AIG1: variants seen among roughly 807,000 people sequenced by gnomAD.
AIG1 encodes androgen-induced gene 1 protein.
AIG1 carries 23 observed loss-of-function variants against 31.4 expected under a neutral mutation model. The observed-to-expected ratio is 0.73, with a 90% confidence interval of 0.53 to 1.04. The LOEUF (loss-of-function observed/expected upper bound fraction) is 1.04, where lower values mean the gene tolerates loss of function less well. Ranked by LOEUF, AIG1 falls within the 50% of genes least tolerant of loss-of-function variation. AIG1 has a pLI of 0.00. For synonymous variants in AIG1, 100 were observed against 110.5 expected (o/e 0.90, Z 0.60); for missense variants, 274 against 295.0 (o/e 0.93, Z 0.52).
In AIG1 at chr6:143,297,622, T is replaced by C. The variant is rs1425322175; in HGVS notation, c.515+13397T>C. Among the ~76,000 whole-genome samples the C allele has an allele frequency of 1.3e-5, 2 of 152,114 alleles. No homozygotes were observed. The highest frequency in any genetic ancestry group is 2.9e-5 in the Non-Finnish European group (2 of 68,008). ...GGTGATTGGTTGATTGGTAGAGTGG[T>C]TGGCCCATTTCCTGTAACACTGCTC... On this transcript the variant is annotated intron_variant, in intron 4 of 5. Coordinates refer to ENST00000357847, the MANE Select transcript of AIG1 (RefSeq NM_016108.4). This position sits in a 1 kb window ranked among gnomAD's most constrained non-coding sequence, Gnocchi z 5.1.
intron 4 of AIG1, among the ~76,000 whole-genome samples, chr6:143,286,344 C>T (rs910493762): frequency 6.6e-6 from 1 of 152,060 alleles, no homozygotes; most frequent in Non-Finnish European, 1.5e-5. Flanking sequence ...GCCAGCTCTG[C>T]GTACTCCCTA....
At chr6:143,249,198 G>T (rs187563258) in intron 3 of AIG1, among the ~76,000 whole-genome samples, 17 of 152,326 alleles carry the variant, frequency 1.1e-4, no homozygotes, top group Admixed American at 7.8e-4. Flanking sequence ...CTACATCCAG[G>T]TATAGAGTTG....
intron 1 of AIG1, among the ~76,000 whole-genome samples, chr6:143,082,752 C>T (rs1013864374): frequency 2.0e-5 from 3 of 152,110 alleles, no homozygotes; most frequent in Admixed American, 6.6e-5. Context: ...AGGTATGCCA[C>T]GGGTTGCAAG....
chr6:143,191,005 A>T (rs1789743596), intron 3 of AIG1, among the ~76,000 whole-genome samples: 1 of 152,088 alleles, frequency 6.6e-6, no homozygotes, highest in African/African-American at 2.4e-5. Flanking sequence ...TCCCTTACAT[A>T]GCTCCCTTAC....
At chr6:143,094,796 C>G (rs1176993804) in intron 1 of AIG1, among the ~76,000 whole-genome samples, 1 of 149,840 alleles carries the variant, frequency 6.7e-6, no homozygotes, top group African/African-American at 2.4e-5. Context: ...TATTGTAGAA[C>G]AAAGGAAATA....
chr6:143,228,487 G>T (rs1793189672), intron 3 of AIG1, among the ~76,000 whole-genome samples: 4 of 152,192 alleles, frequency 2.6e-5, no homozygotes. Context: ...CCATGTGTGG[G>T]TGGAGCAAGT....
chr6:143,196,117 G>A (rs1157060938), intron 3 of AIG1, among the ~76,000 whole-genome samples: 1 of 152,092 alleles, frequency 6.6e-6, no homozygotes, highest in Non-Finnish European at 1.5e-5. Context: ...CATGATAATG[G>A]CCTTTGGTGC....
rs1777788356 is a variant in AIG1, at chr6:143,339,975, G to A, written c.*299G>A. On this transcript the variant is annotated 3_prime_UTR_variant, in exon 6 of 6. Coordinates refer to ENST00000357847, the MANE Select transcript of AIG1 (RefSeq NM_016108.4). ...ACCTTGGATTTTTATTTTGGCAATTGTAACTCCATCTAATCAAGAAAGAAT... is the reference window on the plus strand; with the variant it reads ...ACCTTGGATTTTTATTTTGGCAATTATAACTCCATCTAATCAAGAAAGAAT... The A allele has an allele frequency of 3.9e-6, 1 of 257,310 alleles. No individual in the cohort carries two copies. Among genetic ancestry groups the A allele is most frequent in the African/African-American group, 2.3e-5 (1 of 44,326 alleles). 15.9% of individuals were successfully genotyped at this position (257,310 alleles called of 1,614,324 possible).
intron 1 of AIG1, among the ~76,000 whole-genome samples, chr6:143,120,114 A>G (rs1167583040): frequency 6.6e-6 from 1 of 151,950 alleles, no homozygotes. Context: ...TTGTATTTTT[A>G]GCAGAGATGG....
chr6:143,340,237 C>T lies in AIG1; in HGVS notation c.*561C>T, dbSNP rs890313020. On this transcript the variant is annotated 3_prime_UTR_variant, in exon 6 of 6. Coordinates refer to ENST00000357847, the MANE Select transcript of AIG1 (RefSeq NM_016108.4). ...TGAAAAGCCTGAGTGTATTGCATCT[C>T]TTGATTTAATCATGTGAAACTTTTC... The T allele has an allele frequency of 6.6e-6, 1 of 152,146 alleles. No homozygotes were observed. Among genetic ancestry groups the T allele is most frequent in the African/African-American group, 2.4e-5 (1 of 41,420 alleles). 9.4% of individuals were successfully genotyped at this position (152,146 alleles called of 1,614,324 possible).
Position 143,085,778 on chromosome 6 carries a change from T to G in AIG1, c.141+24712T>G, listed in dbSNP as rs541226331. 4.6e-5 allele frequency among the ~76,000 whole-genome samples: 7 copies of G among 152,356 alleles called. No homozygotes were observed. The South Asian group carries it at 1.4e-3, about 32-fold the overall frequency. On this transcript the variant is annotated intron_variant, in intron 1 of 5. Coordinates refer to ENST00000357847, the MANE Select transcript of AIG1 (RefSeq NM_016108.4). ...CCACAAGAGTCTCCCTATCAATTAC[T>G]GAATACCCATTGTGGTTTTTCTCTC...
chr6:143,236,347 C>T (rs1015736976), intron 3 of AIG1, among the ~76,000 whole-genome samples: 5 of 152,230 alleles, frequency 3.3e-5, no homozygotes, highest in Non-Finnish European at 5.9e-5. Context: ...CTGTGACTCA[C>T]GCCATCTGTT....
At chr6:143,232,696 T>C (rs1044182556) in intron 3 of AIG1, among the ~76,000 whole-genome samples, 1 of 152,230 alleles carries the variant, frequency 6.6e-6, no homozygotes, top group Non-Finnish European at 1.5e-5. Context: ...TTTGCTTCCC[T>C]TTCCCTTTAT....
At chr6:143,267,117 T>A (rs1158246801) in intron 3 of AIG1, among the ~76,000 whole-genome samples, 1 of 152,158 alleles carries the variant, frequency 6.6e-6, no homozygotes, top group Non-Finnish European at 1.5e-5. Context: ...CTTAAAAGAT[T>A]CAAACATCTT....
chr6:143,267,193 C>T (rs948423082), intron 3 of AIG1, among the ~76,000 whole-genome samples: 3 of 152,104 alleles, frequency 2.0e-5, no homozygotes, highest in Non-Finnish European at 4.4e-5. Flanking sequence ...GGATCAGATC[C>T]CAGGTGAGTT....
At chr6:143,336,581 G>A (rs1777509377) in intron 5 of AIG1, among the ~76,000 whole-genome samples, 1 of 152,142 alleles carries the variant, frequency 6.6e-6, no homozygotes, top group Non-Finnish European at 1.5e-5. Context: ...CATCCTGGGG[G>A]TTAGGATTTC....
downstream of AIG1, among the ~76,000 whole-genome samples, chr6:143,341,496 G>A (rs764144137): frequency 2.0e-5 from 3 of 152,146 alleles, no homozygotes; most frequent in Admixed American, 1.3e-4. Context: ...ATTAAAATGG[G>A]CCCTAATCCA....
At position 143,293,045 on chromosome 6, in the gene AIG1, T is replaced by A. The variant is rs1260179758; in HGVS notation, c.515+8820T>A. On this transcript the variant is annotated intron_variant, in intron 4 of 5. Coordinates refer to ENST00000357847, the MANE Select transcript of AIG1 (RefSeq NM_016108.4). The surrounding 1 kb of genome is among the most constrained non-coding windows in gnomAD (Gnocchi z 4.8). ...CTCTCTTAGCCTCATTGTTACCACC[T>A]TTAAAATGGGAAAGAATGCCTGCCT... 6.6e-6 allele frequency among the ~76,000 whole-genome samples: 1 copy of A among 152,174 alleles called. No individual in the cohort carries two copies. Among genetic ancestry groups the A allele is most frequent in the African/African-American group, 2.4e-5 (1 of 41,442 alleles).
intron 3 of AIG1, among the ~76,000 whole-genome samples, chr6:143,208,866 CAG>C (rs1017665121): frequency 6.6e-6 from 1 of 151,984 alleles, no homozygotes; most frequent in Non-Finnish European, 1.5e-5. Flanking sequence ...CCACAGCCGA[CAG>C]AAATGAAGGT....
Sources: gnomAD v4.1 joint callset for allele counts (sites outside exome capture counted in the v4.1 genomes callset) on GRCh38, gnomAD v4.1.1 for gene constraint, Gnocchi (gnomAD v3.1) non-coding constraint, MANE v1.5 for transcripts, NCBI Gene and HGNC (gene_info 2026-07-23, HGNC 2026-07-21) for gene names.